The following ITGB3BP variants were observed in gnomAD, a reference collection of about 807,000 sequenced individuals.
ITGB3BP encodes the protein integrin subunit beta 3 binding protein.
Under a neutral mutation model 29.1 loss-of-function variants are expected in ITGB3BP, and 27 were observed. The observed-to-expected ratio is 0.93, with a 90% CI of 0.68 to 1.28. ITGB3BP has a LOEUF of 1.28. Ranked by LOEUF, ITGB3BP falls within the 50% of genes most tolerant of loss-of-function variation. ITGB3BP has a pLI of 0.00. For synonymous variants in ITGB3BP, 61 were observed against 61.4 expected, an observed-to-expected ratio of 0.99 and a Z score of 0.03; for missense variants, 192 against 200.2, an observed-to-expected ratio of 0.96 and a Z score of 0.25.
intron 1 of ITGB3BP, among the ~76,000 whole-genome samples, chr1:63,509,656 C>T (rs1308461444): frequency 1.3e-5 from 2 of 152,032 alleles, no homozygotes; most frequent in Admixed American, 1.3e-4. Context: ...GATTATTTTG[C>T]TACTATATCC....
intron 4 of ITGB3BP, among the ~76,000 whole-genome samples, chr1:63,466,913 G>A (rs1645108749): frequency 6.6e-6 from 1 of 152,164 alleles, no homozygotes; most frequent in African/African-American, 2.4e-5. Context: ...CAAGAGTGTG[G>A]TGGAATTTAT....
intron 4 of ITGB3BP, among the ~76,000 whole-genome samples, 168 bp downstream of exon 4, chr1:63,478,596 C>T (rs1645382742): frequency 6.6e-6 from 1 of 152,182 alleles, no homozygotes; most frequent in African/African-American, 2.4e-5. Context: ...TATAGAACAT[C>T]ACAAACCACA....
chr1:63,515,347 T>G (rs1192508975), intron 1 of ITGB3BP, among the ~76,000 whole-genome samples: 1 of 152,156 alleles, frequency 6.6e-6, no homozygotes, highest in Non-Finnish European at 1.5e-5. Context: ...CCTATTTCTC[T>G]ATATGCCCAA....
At chr1:63,493,086 ACACG>A (rs1384785114) in intron 2 of ITGB3BP, among the ~76,000 whole-genome samples, 305 of 134,596 alleles carry the variant, frequency 2.3e-3, no homozygotes, top group African/African-American at 8.4e-3. Context: ...ACACACACAC[ACACG>A]CGCGCGCGCG....
At chr1:63,465,496 G>C (rs1645084472) in intron 4 of ITGB3BP, among the ~76,000 whole-genome samples, 2 of 151,056 alleles carry the variant, frequency 1.3e-5, no homozygotes, top group Admixed American at 6.6e-5. Context: ...GCGCTGGAGT[G>C]ATCCTCCCAT....
chr1:63,448,761 T>G (rs1257162786), intron 7 of ITGB3BP, among the ~76,000 whole-genome samples: 2 of 152,158 alleles, frequency 1.3e-5, no homozygotes, highest in Non-Finnish European at 2.9e-5. Flanking sequence ...CATTACTGTC[T>G]TTTTACAGTA....
intron 7 of ITGB3BP, among the ~76,000 whole-genome samples, chr1:63,450,124 C>A (rs1306338357): frequency 6.6e-6 from 1 of 151,836 alleles, no homozygotes; most frequent in Non-Finnish European, 1.5e-5. Context: ...AGAAAGTTAA[C>A]TAAAGAATAC....
chr1:63,480,325 G>C (rs1390739167), intron 3 of ITGB3BP, among the ~76,000 whole-genome samples: 1 of 152,036 alleles, frequency 6.6e-6, no homozygotes, highest in African/African-American at 2.4e-5. Flanking sequence ...GTAGATAACT[G>C]TTTTATGAGC....
chr1:63,526,323 A>G (rs546628292), upstream of ITGB3BP, among the ~76,000 whole-genome samples: 40 of 152,290 alleles, frequency 2.6e-4, no homozygotes, highest in African/African-American at 9.4e-4. Context: ...TCTTTCCAGG[A>G]GTATCAAATG....
chr1:63,445,444 G>C (rs1644779296), intron 8 of ITGB3BP, among the ~76,000 whole-genome samples: 1 of 152,152 alleles, frequency 6.6e-6, no homozygotes, highest in South Asian at 2.1e-4. Flanking sequence ...AAGATGCTTT[G>C]CAAATATTAA....
At chr1:63,468,697 A>G (rs533814922) in intron 4 of ITGB3BP, among the ~76,000 whole-genome samples, 17 of 152,148 alleles carry the variant, frequency 1.1e-4, no homozygotes, top group African/African-American at 3.6e-4. Flanking sequence ...CCCCATCTCT[A>G]CTAAAAATAC....
At chr1:63,479,789 A>T (rs1645405831) in intron 3 of ITGB3BP, among the ~76,000 whole-genome samples, 1 of 152,034 alleles carries the variant, frequency 6.6e-6, no homozygotes, top group South Asian at 2.1e-4. Context: ...CTCTTTTTAA[A>T]GGTTAAGAGC....
At chr1:63,505,490 G>GT (rs1347703349) in intron 2 of ITGB3BP, among the ~76,000 whole-genome samples, 3 of 151,934 alleles carry the variant, frequency 2.0e-5, no homozygotes, top group Non-Finnish European at 2.9e-5. Flanking sequence ...TTTTTGAAGG[G>GT]TTTTTTGTGT....
chr1:63,516,649 G>A (rs1646335364), intron 1 of ITGB3BP, among the ~76,000 whole-genome samples: 2 of 148,454 alleles, frequency 1.3e-5, no homozygotes, highest in African/African-American at 5.0e-5. Flanking sequence ...GGTGAAGGTT[G>A]CAGTGAGCCA....
At chr1:63,489,405 T>A (rs1436652909) in intron 3 of ITGB3BP, among the ~76,000 whole-genome samples, 1 of 131,724 alleles carries the variant, frequency 7.6e-6, no homozygotes, top group African/African-American at 2.7e-5. Context: ...TCATAACCTT[T>A]CTCAAAAAAA....
chr1:63,497,370 C>T (rs570193696), intron 2 of ITGB3BP, among the ~76,000 whole-genome samples: 1 of 152,212 alleles, frequency 6.6e-6, no homozygotes, highest in East Asian at 1.9e-4. Context: ...GACCTAGACC[C>T]ATTACCAAGG....
chr1:63,486,983 G>A (rs1229136524), intron 3 of ITGB3BP, among the ~76,000 whole-genome samples: 9 of 152,022 alleles, frequency 5.9e-5, no homozygotes, highest in Non-Finnish European at 4.4e-5. Context: ...ATTTTATGCA[G>A]TTATGATTTA....
chr1:63,487,481 T>C (rs1645553299), intron 3 of ITGB3BP, among the ~76,000 whole-genome samples: 1 of 152,118 alleles, frequency 6.6e-6, no homozygotes, highest in Non-Finnish European at 1.5e-5. Context: ...AAATGCATCA[T>C]GAGGTGATCT....
chr1:63,500,699 C>T (rs762548474), intron 2 of ITGB3BP, among the ~76,000 whole-genome samples: 3 of 152,116 alleles, frequency 2.0e-5, no homozygotes, highest in Non-Finnish European at 4.4e-5. Context: ...GTTAAGATTG[C>T]AAATTTCCCA....
Sources: allele counts gnomAD v4.1 joint callset (sites outside exome capture counted in the v4.1 genomes callset), GRCh38; gene constraint gnomAD v4.1.1; transcripts MANE v1.5; gene names NCBI Gene and HGNC (gene_info 2026-07-23, HGNC 2026-07-21).